The following COX20 variants were observed in gnomAD, a reference collection of about 807,000 sequenced individuals.
COX20 encodes cytochrome c oxidase assembly protein COX20, mitochondrial.
COX20 carries 14 observed loss-of-function variants against 14.3 expected under a neutral mutation model. That is an observed-to-expected ratio of 0.98 (90% confidence interval 0.65 to 1.53). COX20 has a LOEUF of 1.53. Ranked by LOEUF, COX20 falls within the 40% of genes most tolerant of loss-of-function variation. COX20 has a pLI of 0.00. For missense variants in COX20, 149 were observed against 142.1 expected, an observed-to-expected ratio of 1.05 and a Z score of -0.25; for synonymous variants, 56 against 51.7, an observed-to-expected ratio of 1.08 and a Z score of -0.36.
intron 1 of COX20, 27 bp downstream of exon 1, chr1:244,835,783 G>T: frequency 8.0e-7 from 1 of 1,248,034 alleles, no homozygotes. Flanking sequence ...CGGGGCGCGC[G>T]CCGCGGGTGG....
intron 1 of COX20, chr1:244,839,921 C>T (rs1369938238): frequency 6.6e-6 from 1 of 152,168 alleles, no homozygotes; most frequent in African/African-American, 2.4e-5. Context: ...GGTAATCTCA[C>T]ACAAAGGCTA....
Position 244,844,188 on chromosome 1 carries a change from A to G in COX20, c.*1012A>G, listed in dbSNP as rs1165637141. The stretch of plus-strand genomic sequence containing the variant: ...AAGAAAATATTAGTTATTTTGATCT[A>G]CATCTTTTTCTAAAGAAAAGTGGAG... On this transcript the variant is annotated 3_prime_UTR_variant, in exon 4 of 4. Transcript: ENST00000411948. 1 of 152,222 alleles carries G rather than the reference A, an allele frequency of 6.6e-6. No homozygotes were observed. Among genetic ancestry groups the G allele is most frequent in the Non-Finnish European group, 1.5e-5 (1 of 68,030 alleles). 9.4% of individuals were successfully genotyped at this position (152,222 alleles called of 1,614,324 possible).
intron 1 of COX20, among the ~76,000 whole-genome samples, chr1:244,838,869 T>G (rs529624933): frequency 3.9e-5 from 6 of 152,248 alleles, no homozygotes; most frequent in African/African-American, 1.4e-4. Context: ...CTTGGCTCAC[T>G]GCAACCTCCG....
In COX20 at chr1:244,842,234, T is replaced by TTA. The variant is rs753852241; in HGVS notation, c.199_200dup (p.Leu68SerfsTer3). On this transcript the variant is annotated frameshift_variant, in exon 3 of 4. Transcript: ENST00000411948. LOFTEE classifies it high-confidence loss of function. ...TCATGTGATGTTGGAGTAGGAGGGT[T>TTA]TATCTTGGTGACTTTGGGATGCTGG... The TTA allele has an allele frequency of 2.5e-6, 4 of 1,609,456 alleles. No homozygotes were observed. In the South Asian group the frequency reaches 4.4e-5, roughly 18 times the overall value.
At chr1:244,835,884 A>C in intron 1 of COX20, 128 bp downstream of exon 1, 1 of 671,784 alleles carries the variant, frequency 1.5e-6, no homozygotes, top group Non-Finnish European at 2.1e-6. Flanking sequence ...AACTATTTTA[A>C]CTGTTCCTAG....
intron 3 of COX20, chr1:244,842,751 T>TA (rs953191936): frequency 3.7e-4 from 99 of 267,336 alleles, no homozygotes; most frequent in African/African-American, 2.2e-3. Context: ...CGAGAGCAAA[T>TA]ACTTGTTTCT....
upstream of COX20, chr1:244,835,544 G>A (rs940127749): frequency 4.8e-6 from 2 of 417,328 alleles, no homozygotes; most frequent in Non-Finnish European, 8.1e-6. Flanking sequence ...GCCCGGCCCC[G>A]TGCGGCCACT....
chr1:244,844,944 TAAATA>T lies in COX20; in HGVS notation c.*1774_*1778del, dbSNP rs1029140928. ...TGGTATCCACAGGCCCAAGTCCCTT[TAAATA>T]AAATACCCTCATATTTCCATATAAT... On this transcript the variant is annotated 3_prime_UTR_variant, in exon 4 of 4. Transcript: ENST00000411948. 2.3e-4 allele frequency: 36 copies of T among 153,640 alleles called. 1 individual carries two copies. Among genetic ancestry groups the T allele is most frequent in the African/African-American group, 8.4e-4 (35 of 41,576 alleles). 9.5% of individuals were successfully genotyped at this position (153,640 alleles called of 1,614,324 possible). A position where few individuals can be genotyped will look rare whatever the true frequency, so the allele number is the denominator to read the frequency against.
intron 1 of COX20, chr1:244,836,538 T>C (rs1679992305): frequency 1.3e-6 from 2 of 1,545,960 alleles, no homozygotes; most frequent in Non-Finnish European, 1.8e-6. Context: ...ATGATCTTGT[T>C]TTCCTCTTTT....
At chr1:244,840,457 T>A (rs1680156707) in intron 1 of COX20, 1 of 152,214 alleles carries the variant, frequency 6.6e-6, no homozygotes, top group Non-Finnish European at 1.5e-5. Flanking sequence ...TGCATAACAC[T>A]ACCCACATGA....
upstream of COX20, chr1:244,835,635 CG>C: frequency 1.0e-6 from 1 of 980,860 alleles, no homozygotes; most frequent in Non-Finnish European, 1.3e-6. Context: ...GGGGGCGGGA[CG>C]GGGAGGGGCG....
intron 1 of COX20, chr1:244,836,660 G>T (rs1679996540): frequency 1.0e-5 from 7 of 687,936 alleles, no homozygotes; most frequent in Middle Eastern, 2.9e-4. Flanking sequence ...TAGGGAGATC[G>T]TAACATTGGC....
intron 1 of COX20, chr1:244,839,826 A>G (rs1680122805): frequency 6.6e-6 from 1 of 152,214 alleles, no homozygotes; most frequent in Non-Finnish European, 1.5e-5. Context: ...TGAAAATGTC[A>G]TAGGCTTTGT....
chr1:244,841,873 G>C, intron 1 of COX20, 71 bp from the exon 2 acceptor site: 3 of 890,166 alleles, frequency 3.4e-6, no homozygotes, highest in Non-Finnish European at 5.4e-6. Context: ...ATGGTGTATT[G>C]TCATTTTTGC....
chr1:244,836,422 T>G, intron 1 of COX20: 1 of 1,427,182 alleles, frequency 7.0e-7, no homozygotes, highest in Non-Finnish European at 9.7e-7. Flanking sequence ...AACCAAGCGC[T>G]CTCCCTGGAA....
rs755816815 is a variant in COX20 at position 244,843,055 on chromosome 1, A to G, written c.236A>G (p.Tyr79Cys). ...TTTCTTCTAAGGTTTCATTGTAGGTATAATTATGCAAAGCAAAGAATCCAG... is the reference window on the plus strand; with the variant it reads ...TTTCTTCTAAGGTTTCATTGTAGGTGTAATTATGCAAAGCAAAGAATCCAG... ...VTLGCWFHCR[Y>C]NYAKQRIQER... Residue 79 changes from tyrosine (Y) to cysteine (C), a missense_variant, in exon 4 of 4, where the codon TAT (tyrosine) becomes TGT (cysteine). Tyr to Cys is a radical substitution (Grantham distance 194). Transcript: ENST00000411948. 6.4e-7 allele frequency: 1 copy of G among 1,573,110 alleles called. No homozygotes were observed. Among genetic ancestry groups the G allele is most frequent in the South Asian group, 1.2e-5 (1 of 85,234 alleles).
intron 1 of COX20, among the ~76,000 whole-genome samples, chr1:244,838,194 CTT>C (rs2102970649): frequency 6.6e-6 from 1 of 152,198 alleles, no homozygotes; most frequent in South Asian, 2.1e-4. Flanking sequence ...AAGGATGACT[CTT>C]AGTTTTTGGG....
At chr1:244,836,914 T>C (rs1319145549) in intron 1 of COX20, among the ~76,000 whole-genome samples, 1 of 152,046 alleles carries the variant, frequency 6.6e-6, no homozygotes, top group Non-Finnish European at 1.5e-5. Context: ...TGGTGCCTTA[T>C]CTGTTTTTAC....
At chr1:244,836,980 C>T (rs1006447992) in intron 1 of COX20, among the ~76,000 whole-genome samples, 1 of 151,296 alleles carries the variant, frequency 6.6e-6, no homozygotes, top group Admixed American at 6.6e-5. Flanking sequence ...AAAAAAAGAT[C>T]TTTGCATACA....
Sources: gnomAD v4.1 joint callset for allele counts (sites outside exome capture counted in the v4.1 genomes callset) on GRCh38, gnomAD v4.1.1 for gene constraint, MANE v1.5 for transcripts, NCBI Gene and HGNC (gene_info 2026-07-23, HGNC 2026-07-21) for gene names.